ZNF423: variants seen among roughly 807,000 people sequenced by gnomAD.
The protein encoded by ZNF423 is zinc finger protein 423.
Under a neutral mutation model 95.8 loss-of-function variants are expected in ZNF423, and 12 were observed. That is an observed-to-expected ratio of 0.13 (90% CI 0.08 to 0.20). The LOEUF is 0.20. ZNF423 is among the 10% of genes least tolerant of loss of function. The probability of loss-of-function intolerance (pLI) is 1.00; values close to 1 mark genes in which losing one functional copy is unlikely to be tolerated. For synonymous variants in ZNF423, 749 were observed against 711.9 expected, an observed-to-expected ratio of 1.05 and a Z score of -0.83; for missense variants, 1,316 against 1,737.1, an observed-to-expected ratio of 0.76 and a Z score of 4.31.
chr16:49,811,391 C>A (rs1261075243), intron 1 of ZNF423, among the ~76,000 whole-genome samples: 1 of 152,080 alleles, frequency 6.6e-6, no homozygotes, highest in Non-Finnish European at 1.5e-5. Context: ...CAGAAATAAA[C>A]ACTGGGGGTG....
At chr16:49,847,012 C>G (rs1178326151) in intron 1 of ZNF423, 1 of 152,260 alleles carries the variant, frequency 6.6e-6, no homozygotes. Flanking sequence ...TTCAGTGCAA[C>G]AGGAGTTAGG....
chr16:49,710,599 A>G (rs950285549), intron 3 of ZNF423, among the ~76,000 whole-genome samples: 2 of 152,178 alleles, frequency 1.3e-5, no homozygotes, highest in Non-Finnish European at 2.9e-5. Context: ...GTGAGATGGC[A>G]CAGCACCTCT....
intron 7 of ZNF423, among the ~76,000 whole-genome samples, chr16:49,519,208 C>T (rs979541073): frequency 2.0e-5 from 3 of 152,208 alleles, no homozygotes; most frequent in South Asian, 4.1e-4. Flanking sequence ...ACGAGCAGGC[C>T]TCCGGTTTGG....
chr16:49,854,428 T>C, intron 1 of ZNF423: 1 of 985,426 alleles, frequency 1.0e-6, no homozygotes. Flanking sequence ...GGCGCAAGGC[T>C]GGCAGGAAGG....
At chr16:49,728,742 T>C (rs2033089664) in intron 3 of ZNF423, among the ~76,000 whole-genome samples, 1 of 123,048 alleles carries the variant, frequency 8.1e-6, no homozygotes, top group Admixed American at 7.9e-5. Flanking sequence ...TTATTTATTT[T>C]CCTTTTTTGA....
chr16:49,838,624 C>T (rs1408981033), intron 1 of ZNF423, among the ~76,000 whole-genome samples: 1 of 152,090 alleles, frequency 6.6e-6, no homozygotes, highest in Non-Finnish European at 1.5e-5. Context: ...AAGGGCGGCA[C>T]CAGCTGTGGG....
intron 2 of ZNF423, among the ~76,000 whole-genome samples, chr16:49,750,665 C>A (rs2033617624): frequency 6.6e-6 from 1 of 152,210 alleles, no homozygotes; most frequent in East Asian, 1.9e-4. Flanking sequence ...GTGGACAGAT[C>A]CTCTCAGGGA....
At chr16:49,714,499 A>G (rs1302981281) in intron 3 of ZNF423, among the ~76,000 whole-genome samples, 2 of 152,048 alleles carry the variant, frequency 1.3e-5, no homozygotes, top group Admixed American at 1.3e-4. Context: ...TCTACTAAAA[A>G]TACAAAAAAT....
chr16:49,830,880 C>T (rs2047937), intron 1 of ZNF423, among the ~76,000 whole-genome samples: 75,174 of 151,814 alleles, frequency 0.5, 18,755 homozygotes, highest in Middle Eastern at 0.65. Flanking sequence ...TGAGCTTTTC[C>T]GAACTTGGAT....
chr16:49,586,639 C>T (rs1163411202), intron 5 of ZNF423, among the ~76,000 whole-genome samples: 2 of 152,340 alleles, frequency 1.3e-5, no homozygotes, highest in East Asian at 1.9e-4. Context: ...CAGCTGTCTG[C>T]GAATGTGGCG....
At position 49,724,393 on chromosome 16, in the gene ZNF423, C is replaced by A. The variant is rs930426624; in HGVS notation, c.301+6378G>T. On this transcript the variant is annotated intron_variant, in intron 3 of 7. Transcript: ENST00000563137. ...CCTAGCCTTTTGCGCCATGTGAAGT[C>A]AACTGACACCAAGGCCCCGAGTGCA... Among the ~76,000 whole-genome samples the A allele has an allele frequency of 3.9e-4, 58 of 147,762 alleles. 1 individual carries two copies. Among genetic ancestry groups the A allele is most frequent in the Admixed American group, 3.5e-3 (52 of 14,662 alleles).
chr16:49,657,157 C>T (rs183877273), intron 3 of ZNF423, among the ~76,000 whole-genome samples: 362 of 152,350 alleles, frequency 2.4e-3, no homozygotes, highest in African/African-American at 6.4e-3. Flanking sequence ...CAGGGTGACA[C>T]GCTCCTTTGG....
chr16:49,663,976 C>A, intron 3 of ZNF423: 1 of 726,048 alleles, frequency 1.4e-6, no homozygotes, highest in South Asian at 6.2e-5. Context: ...CTCCCCAACG[C>A]GCCGGGAGCC....
intron 7 of ZNF423, among the ~76,000 whole-genome samples, chr16:49,494,670 C>T (rs1038643626): frequency 5.9e-5 from 9 of 152,194 alleles, no homozygotes; most frequent in Admixed American, 5.9e-4. Context: ...TTGGCTCCTC[C>T]ATAGGCCAAG....
chr16:49,833,876 G>A (rs940198859), intron 1 of ZNF423, among the ~76,000 whole-genome samples: 6 of 152,190 alleles, frequency 3.9e-5, no homozygotes, highest in Admixed American at 2.0e-4. Context: ...ACTCCAGGCC[G>A]CTCCTGGATC....
At position 49,751,887 on chromosome 16, in the gene ZNF423, G is replaced by A. The variant is rs541157975; in HGVS notation, c.101-20916C>T. On this transcript the variant is annotated intron_variant, in intron 2 of 7. Transcript: ENST00000563137. ...ACAGTCTGTTTTTCTTCCTTCCAAG[G>A]CTAAGGTTCAGTGGTTCAGAACTCA... Among the ~76,000 whole-genome samples the A allele has an allele frequency of 4.6e-5, 7 of 152,314 alleles. No homozygotes were observed. The South Asian group carries it at 1.5e-3, about 32-fold the overall frequency.
chr16:49,600,616 C>G (rs1971333881), intron 5 of ZNF423, among the ~76,000 whole-genome samples: 2 of 152,226 alleles, frequency 1.3e-5, no homozygotes, highest in South Asian at 4.2e-4. Flanking sequence ...TGAGGCCCAG[C>G]AGGGAACCAT....
At chr16:49,545,283 G>C (rs1418788524) in intron 5 of ZNF423, among the ~76,000 whole-genome samples, 1 of 152,186 alleles carries the variant, frequency 6.6e-6, no homozygotes, top group African/African-American at 2.4e-5. Flanking sequence ...AGTGACAGAG[G>C]AAGTGAATCT....
Position 49,793,419 on chromosome 16 carries a change from G to A in ZNF423, c.41-3873C>T, listed in dbSNP as rs544138087. On this transcript the variant is annotated intron_variant, in intron 1 of 7. Coordinates refer to ENST00000563137, the MANE Select transcript of ZNF423 (RefSeq NM_001379286.1). ...AGAAACCCCAATCCGCACAGGGGCC[G>A]ATAGGGACAACACACCAAAGGGGCT... Among the ~76,000 whole-genome samples the A allele has an allele frequency of 8.5e-5, 13 of 152,326 alleles. No homozygotes were observed. In the East Asian group the frequency reaches 1.9e-3, roughly 23 times the overall value.
Sources: allele counts gnomAD v4.1 joint callset (sites outside exome capture counted in the v4.1 genomes callset), GRCh38; gene constraint gnomAD v4.1.1; transcripts MANE v1.5; gene names NCBI Gene and HGNC (gene_info 2026-07-23, HGNC 2026-07-21).